GBP2: variants seen among roughly 807,000 people sequenced by gnomAD.
GBP2 encodes guanylate-binding protein 2.
In GBP2, 54 loss-of-function variants were observed where a neutral mutation model predicts 60.8. The ratio of observed to expected loss-of-function variants is 0.89; its 90% CI spans 0.71 to 1.11. The LOEUF (loss-of-function observed/expected upper bound fraction) is 1.11, where lower values mean the gene tolerates loss of function less well. Ranked by LOEUF, GBP2 falls within the 50% of genes most tolerant of loss-of-function variation. GBP2 has a pLI of 0.00. For missense variants in GBP2, 665 were observed against 703.3 expected, an observed-to-expected ratio of 0.95 and a Z score of 0.62; for synonymous variants, 243 against 256.5, an observed-to-expected ratio of 0.95 and a Z score of 0.50.
chr1:89,112,958 C>G (rs139000410), intron 7 of GBP2: 1 of 441,110 alleles, frequency 2.3e-6, no homozygotes, highest in Middle Eastern at 6.3e-4. Context: ...TCATACGAAA[C>G]TTTTATCTTT....
chr1:89,117,623 GGGT>G lies in GBP2; in HGVS notation c.576_578del (p.Glu192_Pro193delinsAsp), dbSNP rs1311901573. On this transcript the variant is annotated inframe_deletion, in exon 5 of 11. Transcript: ENST00000370466. ...GCTCCAAGTAGTCATCAGCAGTGATGGGTTCTCCATCTACTTCCAGTTCCAGGG... is the reference window on the plus strand; with the variant it reads ...GCTCCAAGTAGTCATCAGCAGTGATGTCTCCATCTACTTCCAGTTCCAGGG... 9 of 1,614,038 alleles carry G rather than the reference GGGT, an allele frequency of 5.6e-6. No individual in the cohort carries two copies. The highest frequency in any genetic ancestry group is 6.8e-6 in the Non-Finnish European group (8 of 1,179,936).
Position 89,121,988 on chromosome 1 carries a change from T to A in GBP2, c.-17-5A>T, listed in dbSNP as rs749884286. On this transcript the variant is annotated splice_polypyrimidine_tract_variant and splice_region_variant and intron_variant, in intron 1 of 10. Coordinates refer to ENST00000370466, the MANE Select transcript of GBP2 (RefSeq NM_004120.5). ...CCATGTCCAGGGTGTTGTTCCCTTG[T>A]GTGCAAGGAAAAAGATGAAATGGAA... The A allele has an allele frequency of 1.9e-6, 3 of 1,573,196 alleles. No individual in the cohort carries two copies. The highest frequency in any genetic ancestry group is 2.6e-6 in the Non-Finnish European group (3 of 1,157,648).
chr1:89,115,704 G>T (rs1681255357), intron 6 of GBP2, among the ~76,000 whole-genome samples: 1 of 152,092 alleles, frequency 6.6e-6, no homozygotes, highest in Admixed American at 6.5e-5. Context: ...GCTCATGCTG[G>T]GTCCTCCTGC....
intron 3 of GBP2, 36 bp from the exon 4 acceptor site, chr1:89,120,324 C>G: frequency 6.7e-7 from 1 of 1,485,000 alleles, no homozygotes; most frequent in South Asian, 1.1e-5. Context: ...AGAAGAATGA[C>G]TAGCAGAATG....
chr1:89,121,759 T>C lies in GBP2; in HGVS notation c.190+18A>G, dbSNP rs1557443012. ...TGTACGGACAGAAGGGGCTTAGAGC[T>C]TTGCTGGTGTCACTCACCGTTTTTC... On this transcript the variant is annotated intron_variant, in intron 2 of 10. Transcript: ENST00000370466. The C allele has an allele frequency of 6.2e-7, 1 of 1,612,266 alleles. No homozygotes were observed. Among genetic ancestry groups the C allele is most frequent in the Non-Finnish European group, 8.5e-7 (1 of 1,178,760 alleles).
In GBP2 at chr1:89,117,684, A is replaced by T. The variant is rs1681307045; in HGVS notation, c.518T>A (p.Phe173Tyr). 1.5e-5 allele frequency: 24 copies of T among 1,614,010 alleles called. No homozygotes were observed. The highest frequency in any genetic ancestry group is 2.0e-5 in the Non-Finnish European group (24 of 1,179,990). Residue 173 changes from phenylalanine to tyrosine, a missense_variant, in exon 5 of 11, where the codon TTT becomes TAT. Transcript: ENST00000370466. ...TCTGAGAGTCCACACAAATGCTGGA[A>T]AAAAGCTCACAAAGTCAGCTGAGTC... The part of the protein sequence containing the change: ...VDDSADFVSF[F>Y]PAFVWTLRDF...
At chr1:89,112,799 ATGCTCCT>A in intron 7 of GBP2, 115 bp from the exon 8 acceptor site, 1 of 735,378 alleles carries the variant, frequency 1.4e-6, no homozygotes, top group Non-Finnish European at 2.3e-6. Flanking sequence ...AAATAGGGCC[ATGCTCCT>A]CACATTGCTG....
rs766332005 is a variant in GBP2 at position 89,121,169 on chromosome 1, T to C, written c.292A>G (p.Thr98Ala). The change falls in exon 3 of 11, where the codon ACT (threonine) becomes GCT (alanine). Residue 98 changes from threonine (T) to alanine (A), a missense_variant. Transcript: ENST00000370466. ...KPEHTLVLLD[T>A]EGLGDIEKGD... ...TTCTCTATATCTCCCAGGCCCTCAG[T>C]GTCGAGCAGAACTAGGGTGTGTTCT... 18 of 1,612,776 alleles carry C rather than the reference T, an allele frequency of 1.1e-5. No individual in the cohort carries two copies. Among genetic ancestry groups the C allele is most frequent in the Non-Finnish European group, 1.4e-5 (16 of 1,179,348 alleles).
intron 1 of GBP2, among the ~76,000 whole-genome samples, chr1:89,125,240 C>T (rs1249701102): frequency 3.9e-5 from 6 of 152,248 alleles, no homozygotes; most frequent in Admixed American, 3.9e-4. Flanking sequence ...AATATGGAGT[C>T]GATTACTTCT....
intron 6 of GBP2, among the ~76,000 whole-genome samples, chr1:89,114,564 T>TAA (rs1681230820): frequency 6.6e-6 from 1 of 152,212 alleles, no homozygotes; most frequent in East Asian, 1.9e-4. Flanking sequence ...ACCTTTCTTT[T>TAA]CTCTCACCTC....
chr1:89,114,425 A>G, intron 6 of GBP2, 129 bp from the exon 7 acceptor site: 1 of 1,131,776 alleles, frequency 8.8e-7, no homozygotes, highest in Non-Finnish European at 1.2e-6. Flanking sequence ...TAATGGAATA[A>G]TTTGTTAACC....
At position 89,121,250 on chromosome 1, in the gene GBP2, C is replaced by A. The variant is rs774843635; in HGVS notation, c.211G>T (p.Val71Leu). ...KKNGFSLGST[V>L]KSHTKGIWMW... ...CAGATTCCCTTGGTGTGAGACTTCA[C>A]TGTGGAGCCTAGAGAGAAGCCTGTA... Residue 71 changes from valine to leucine, a missense_variant, in exon 3 of 11, where the codon GTG becomes TTG. Coordinates refer to ENST00000370466, the MANE Select transcript of GBP2 (RefSeq NM_004120.5). The A allele has an allele frequency of 8.7e-6, 14 of 1,609,614 alleles. No individual in the cohort carries two copies. The Admixed American group carries it at 2.2e-4, about 25-fold the overall frequency.
intron 8 of GBP2, 116 bp from the exon 9 acceptor site, chr1:89,110,382 G>T: frequency 1.3e-6 from 1 of 762,888 alleles, no homozygotes; most frequent in East Asian, 2.5e-5. Context: ...AAAGATACTT[G>T]CATACGCATG....
chr1:89,110,758 G>A (rs1435965941), intron 8 of GBP2, among the ~76,000 whole-genome samples: 1 of 152,126 alleles, frequency 6.6e-6, no homozygotes, highest in Non-Finnish European at 1.5e-5. Context: ...TACACACTGG[G>A]TACAGTGTAC....
At chr1:89,120,899 G>T (rs1681382333) in intron 3 of GBP2, among the ~76,000 whole-genome samples, 1 of 152,066 alleles carries the variant, frequency 6.6e-6, no homozygotes, top group Middle Eastern at 3.2e-3. Context: ...ATATGAAAGA[G>T]AAATAACTGA....
chr1:89,122,345 T>G (rs757347532), intron 1 of GBP2, among the ~76,000 whole-genome samples: 4 of 152,220 alleles, frequency 2.6e-5, no homozygotes, highest in Non-Finnish European at 5.9e-5. Flanking sequence ...CTAATGTCCT[T>G]CTGCTCCATG....
At chr1:89,121,468 GA>G (rs1187481489) in intron 2 of GBP2, among the ~76,000 whole-genome samples, 198 bp from the exon 3 acceptor site, 1 of 152,106 alleles carries the variant, frequency 6.6e-6, no homozygotes, top group Non-Finnish European at 1.5e-5. Context: ...AAAGTTCATT[GA>G]AAGCTTGCTG....
chr1:89,111,698 C>G (rs1276868966), intron 8 of GBP2, among the ~76,000 whole-genome samples: 2 of 151,970 alleles, frequency 1.3e-5, no homozygotes, highest in Non-Finnish European at 2.9e-5. Context: ...TGAATAAAAT[C>G]AAGTATAGCA....
intron 1 of GBP2, 131 bp from the exon 2 acceptor site, chr1:89,122,114 GTTT>G (rs1681414559): frequency 3.6e-6 from 2 of 556,978 alleles, no homozygotes; most frequent in Non-Finnish European, 5.9e-6. Flanking sequence ...TTAAAGCCTG[GTTT>G]CTCTTTAAGG....
Sources: gnomAD v4.1 joint callset for allele counts (sites outside exome capture counted in the v4.1 genomes callset) on GRCh38, gnomAD v4.1.1 for gene constraint, MANE v1.5 for transcripts, NCBI Gene and HGNC (gene_info 2026-07-23, HGNC 2026-07-21) for gene names.